DEAF1: variants seen among roughly 807,000 people sequenced by gnomAD.
DEAF1 encodes the protein deformed epidermal autoregulatory factor 1 homolog.
Under a neutral mutation model 58.9 loss-of-function variants are expected in DEAF1, and 53 were observed. The observed-to-expected ratio is 0.90, with a 90% CI of 0.72 to 1.13. DEAF1 has a LOEUF of 1.13. Among genes scored for constraint, DEAF1 ranks in the 50% most tolerant of loss-of-function variants. The pLI, the probability that DEAF1 is intolerant of heterozygous loss-of-function variation, is 0.00. For synonymous variants in DEAF1, 385 were observed against 340.4 expected (o/e 1.13, Z -1.44); for missense variants, 685 against 791.4 (o/e 0.87, Z 1.61).
chr11:662,940 G>A (rs1206685570), intron 10 of DEAF1, among the ~76,000 whole-genome samples: 1 of 152,152 alleles, frequency 6.6e-6, no homozygotes, highest in Non-Finnish European at 1.5e-5. Context: ...ACCCCCAGAG[G>A]GCACGATGCC....
At chr11:663,869 C>T (rs1318165018) in intron 10 of DEAF1, among the ~76,000 whole-genome samples, 2 of 152,226 alleles carry the variant, frequency 1.3e-5, no homozygotes, top group African/African-American at 4.8e-5. Flanking sequence ...GTCCTGTCTG[C>T]TACCATGGCT....
chr11:678,918 A>G, intron 8 of DEAF1, 96 bp from the exon 9 acceptor site: 1 of 1,528,272 alleles, frequency 6.5e-7, no homozygotes, highest in Non-Finnish European at 8.9e-7. Context: ...CAGTACACAT[A>G]GTAGCTTATG....
chr11:690,256 G>C (rs1165874486), intron 2 of DEAF1, among the ~76,000 whole-genome samples: 5 of 26,756 alleles, frequency 1.9e-4, no homozygotes, highest in East Asian at 1.5e-3. Flanking sequence ...GAGAGGAGGG[G>C]AGGGGAGGGC....
rs1860333596 is a variant in DEAF1, at chr11:680,946, T to C, written c.997+17A>G. Reference sequence around the variant, plus strand: ...AGGTCCCCTCAGTAAACTAGAGCTGTGTTTTCTCAAACTCACAGGTGGTAG... The same window carrying C: ...AGGTCCCCTCAGTAAACTAGAGCTGCGTTTTCTCAAACTCACAGGTGGTAG... On this transcript the variant is annotated intron_variant, in intron 7 of 11. Coordinates refer to ENST00000382409, the MANE Select transcript of DEAF1 (RefSeq NM_021008.4). 1.9e-6 allele frequency: 3 copies of C among 1,614,108 alleles called. No individual in the cohort carries two copies. Among genetic ancestry groups the C allele is most frequent in the East Asian group, 4.5e-5 (2 of 44,884 alleles).
chr11:653,863 G>T (rs1420122127), intron 11 of DEAF1, 99 bp downstream of exon 11: 4 of 1,036,786 alleles, frequency 3.9e-6, no homozygotes, highest in South Asian at 1.3e-5. Flanking sequence ...AGGGGAGTCA[G>T]GTGTGGCACC....
chr11:703,699 C>G (rs987696457), intron 1 of DEAF1: 20 of 1,232,300 alleles, frequency 1.6e-5, no homozygotes, highest in Admixed American at 4.2e-5. Flanking sequence ...CAGGCAGGCC[C>G]GGTGCAAGAG....
At chr11:703,269 T>A in intron 1 of DEAF1, 1 of 1,445,986 alleles carries the variant, frequency 6.9e-7, no homozygotes, top group Non-Finnish European at 9.1e-7. Flanking sequence ...TGGCCATAGA[T>A]GGTTTTGGAT....
intron 9 of DEAF1, among the ~76,000 whole-genome samples, chr11:675,799 GAC>G (rs1860020959): frequency 6.6e-6 from 1 of 151,966 alleles, no homozygotes; most frequent in African/African-American, 2.4e-5. Context: ...AAGCCTGGGT[GAC>G]AGAGTGAGAC....
intron 9 of DEAF1, among the ~76,000 whole-genome samples, chr11:675,483 T>C (rs1860009543): frequency 1.3e-5 from 2 of 152,118 alleles, no homozygotes; most frequent in Admixed American, 6.6e-5. Flanking sequence ...GAGCCATGAC[T>C]GCGCCACCGT....
chr11:648,455 A>G (rs1858604357), intron 11 of DEAF1, among the ~76,000 whole-genome samples: 1 of 152,106 alleles, frequency 6.6e-6, no homozygotes, highest in Non-Finnish European at 1.5e-5. Flanking sequence ...TCGGCCTCCC[A>G]AAGTGCTGGG....
At chr11:669,121 G>A (rs1219872631) in intron 10 of DEAF1, among the ~76,000 whole-genome samples, 1 of 122,904 alleles carries the variant, frequency 8.1e-6, no homozygotes, top group Non-Finnish European at 1.7e-5. Flanking sequence ...CACTGCACCC[G>A]ACCCTTTTTT....
intron 6 of DEAF1, among the ~76,000 whole-genome samples, chr11:681,711 A>C (rs1294469482): frequency 1.3e-5 from 2 of 150,274 alleles, no homozygotes; most frequent in Non-Finnish European, 3.0e-5. Context: ...CGCCCGGCCG[A>C]CTTTTTTTTT....
chr11:694,295 C>T (rs1372685373), intron 1 of DEAF1: 6 of 84,610 alleles, frequency 7.1e-5, no homozygotes, highest in Admixed American at 3.4e-4. Context: ...GGCAGGTGTG[C>T]GGGGCAGGTG....
chr11:649,501 C>G (rs554975575), intron 11 of DEAF1, among the ~76,000 whole-genome samples: 1 of 151,896 alleles, frequency 6.6e-6, no homozygotes, highest in African/African-American at 2.4e-5. Context: ...GGGCGGATCA[C>G]TTGAGGTCAG....
intron 1 of DEAF1, chr11:700,872 TAATC>T: frequency 1.5e-6 from 1 of 684,160 alleles, no homozygotes; most frequent in Admixed American, 2.4e-5. Flanking sequence ...CATTAAGTAT[TAATC>T]AAGAAGTTTT....
At chr11:704,424 C>T (rs1861630867) in intron 1 of DEAF1, 1 of 1,285,974 alleles carries the variant, frequency 7.8e-7, no homozygotes, top group South Asian at 1.2e-5. Flanking sequence ...CTTCCTTTGA[C>T]CTGTCTGTGG....
intron 11 of DEAF1, among the ~76,000 whole-genome samples, chr11:645,035 C>T (rs1370134019): frequency 6.6e-6 from 1 of 151,888 alleles, no homozygotes. Flanking sequence ...TGGTGGCAGG[C>T]ACCTCTAATC....
rs543119417 is a variant in DEAF1, at chr11:655,657, C to G, written c.1504-1606G>C. Among the ~76,000 whole-genome samples the G allele has an allele frequency of 1.2e-4, 19 of 152,352 alleles. 1 individual carries two copies. In the East Asian group the frequency reaches 3.7e-3, roughly 29 times the overall value. On this transcript the variant is annotated intron_variant, in intron 10 of 11. Coordinates refer to ENST00000382409, the MANE Select transcript of DEAF1 (RefSeq NM_021008.4). ...GCCCCTGCACGCGTGCAGACCTGCTCCGAGGTTCTGTTCTGATGCTTGCCT... is the reference window on the plus strand; with the variant it reads ...GCCCCTGCACGCGTGCAGACCTGCTGCGAGGTTCTGTTCTGATGCTTGCCT...
intron 10 of DEAF1, among the ~76,000 whole-genome samples, chr11:656,570 C>A (rs1308139815): frequency 6.6e-6 from 1 of 152,260 alleles, no homozygotes; most frequent in Non-Finnish European, 1.5e-5. Context: ...CCGGGCCAGG[C>A]AGGACCCTGG....
Sources: allele counts gnomAD v4.1 joint callset (sites outside exome capture counted in the v4.1 genomes callset), GRCh38; gene constraint gnomAD v4.1.1; transcripts MANE v1.5; gene names NCBI Gene and HGNC (gene_info 2026-07-23, HGNC 2026-07-21).